The following NSMCE2 variants were observed in gnomAD, a reference collection of about 807,000 sequenced individuals.
NSMCE2 encodes NSE2 SUMO ligase component of SMC5/6 complex, also known as E3 SUMO-protein ligase NSE2.
Under a neutral mutation model 23.8 loss-of-function variants are expected in NSMCE2, and 24 were observed. The observed-to-expected ratio is 1.01, with a 90% CI of 0.73 to 1.42. The LOEUF (loss-of-function observed/expected upper bound fraction) is 1.42. Among genes scored for constraint, NSMCE2 ranks in the 40% most tolerant of loss-of-function variants. NSMCE2 has a pLI of 0.00. For missense variants in NSMCE2, 284 were observed against 296.5 expected, an observed-to-expected ratio of 0.96 and a Z score of 0.31; for synonymous variants, 92 against 94.1, an observed-to-expected ratio of 0.98 and a Z score of 0.13.
intron 3 of NSMCE2, among the ~76,000 whole-genome samples, chr8:125,107,355 G>C (rs536000656): frequency 6.6e-6 from 1 of 151,876 alleles, no homozygotes; most frequent in African/African-American, 2.4e-5. Context: ...CACCATGCCC[G>C]GCTAATTTTT....
At chr8:125,214,467 G>C (rs1243272568) in intron 5 of NSMCE2, among the ~76,000 whole-genome samples, 1 of 152,158 alleles carries the variant, frequency 6.6e-6, no homozygotes, top group Non-Finnish European at 1.5e-5. Flanking sequence ...TCTCAACAAG[G>C]AAATGGGTCA....
chr8:125,093,105 A>G (rs1817753197), intron 1 of NSMCE2, among the ~76,000 whole-genome samples: 2 of 152,194 alleles, frequency 1.3e-5, no homozygotes, highest in South Asian at 4.1e-4. Context: ...GAAATGCCAT[A>G]AACTAGGTAG....
At chr8:125,137,118 A>G (rs1367115754) in intron 3 of NSMCE2, among the ~76,000 whole-genome samples, 1 of 152,144 alleles carries the variant, frequency 6.6e-6, no homozygotes, top group African/African-American at 2.4e-5. Flanking sequence ...AATCATAGAA[A>G]TTATTCTCCG....
intron 5 of NSMCE2, among the ~76,000 whole-genome samples, chr8:125,220,159 C>A (rs1824787793): frequency 1.3e-5 from 2 of 152,080 alleles, no homozygotes; most frequent in African/African-American, 4.8e-5. Context: ...TGTGGGAAAA[C>A]CTATGAAGGA....
chr8:125,217,196 G>T (rs1229478566), intron 5 of NSMCE2, among the ~76,000 whole-genome samples: 1 of 152,130 alleles, frequency 6.6e-6, no homozygotes, highest in Non-Finnish European at 1.5e-5. Flanking sequence ...TGTTTTGAAA[G>T]ATCCTGTCTA....
chr8:125,117,254 C>T (rs1429837267), intron 3 of NSMCE2, among the ~76,000 whole-genome samples: 1 of 151,888 alleles, frequency 6.6e-6, no homozygotes, highest in Non-Finnish European at 1.5e-5. Context: ...CAGAGTCTTG[C>T]TCTGTCACCC....
intron 5 of NSMCE2, among the ~76,000 whole-genome samples, chr8:125,312,095 AAAG>A (rs1828996051): frequency 6.8e-6 from 1 of 147,966 alleles, no homozygotes; most frequent in African/African-American, 2.5e-5. Flanking sequence ...AAAAAAAAAG[AAAG>A]AAAAGAAAAG....
intron 4 of NSMCE2, among the ~76,000 whole-genome samples, chr8:125,151,520 A>G (rs886305074): frequency 6.6e-6 from 1 of 152,184 alleles, no homozygotes; most frequent in Non-Finnish European, 1.5e-5. Context: ...TTTTGTCTCA[A>G]AATTTTAGTG....
chr8:125,151,341 A>G, intron 4 of NSMCE2, 64 bp downstream of exon 4: 1 of 771,974 alleles, frequency 1.3e-6, no homozygotes, highest in Non-Finnish European at 2.2e-6. Flanking sequence ...AAGTAGAAAC[A>G]CAAAATCAAA....
chr8:125,118,969 T>C (rs747521895), intron 3 of NSMCE2, among the ~76,000 whole-genome samples: 1 of 152,374 alleles, frequency 6.6e-6, no homozygotes, highest in East Asian at 1.9e-4. Flanking sequence ...AAAAGACTTA[T>C]ACATATTGTG....
chr8:125,279,763 T>C (rs1482631401), intron 5 of NSMCE2, among the ~76,000 whole-genome samples: 1 of 152,220 alleles, frequency 6.6e-6, no homozygotes, highest in East Asian at 1.9e-4. Context: ...CATACTTGCC[T>C]ATCTCCTTAG....
intron 5 of NSMCE2, among the ~76,000 whole-genome samples, chr8:125,338,438 C>G (rs1452948607): frequency 6.6e-6 from 1 of 152,156 alleles, no homozygotes; most frequent in Non-Finnish European, 1.5e-5. Context: ...AAGCTTTGTT[C>G]CTTTTGCACC....
chr8:125,232,194 G>C lies in NSMCE2; in HGVS notation c.418+49938G>C, dbSNP rs1586646732. On this transcript the variant is annotated intron_variant, in intron 5 of 7. Transcript: ENST00000287437. ...TGACCAACATGGAGAAATCCCGTCT[G>C]TACTAAAAATACAAAAAAATCAGCC... Among the ~76,000 whole-genome samples, 4 of 151,990 alleles carry C rather than the reference G, an allele frequency of 2.6e-5. No homozygotes were observed. In the South Asian group the frequency reaches 8.3e-4, roughly 32 times the overall value.
At chr8:125,249,489 C>T (rs1826121047) in intron 5 of NSMCE2, among the ~76,000 whole-genome samples, 1 of 152,174 alleles carries the variant, frequency 6.6e-6, no homozygotes, top group Non-Finnish European at 1.5e-5. Context: ...AAATAACTTC[C>T]AGAAAATCAC....
At chr8:125,133,101 TA>T (rs554455065) in intron 3 of NSMCE2, among the ~76,000 whole-genome samples, 11 of 152,300 alleles carry the variant, frequency 7.2e-5, no homozygotes, top group African/African-American at 2.4e-4. Context: ...ATGAAATGAT[TA>T]AAAAATTTAT....
intron 5 of NSMCE2, among the ~76,000 whole-genome samples, chr8:125,340,491 A>G (rs1387542287): frequency 6.6e-6 from 1 of 152,124 alleles, no homozygotes; most frequent in Non-Finnish European, 1.5e-5. Context: ...ATCTGTTGTA[A>G]ATTGAACATA....
intron 7 of NSMCE2, among the ~76,000 whole-genome samples, chr8:125,358,693 A>G (rs1813392305): frequency 6.6e-6 from 1 of 152,082 alleles, no homozygotes. Context: ...ACTAGTTCTC[A>G]ATTGACTTCT....
Position 125,359,213 on chromosome 8 carries a change from G to A in NSMCE2, c.626+1395G>A, listed in dbSNP as rs559178714. Among the ~76,000 whole-genome samples, 3 of 148,020 alleles carry A rather than the reference G, an allele frequency of 2.0e-5. No individual in the cohort carries two copies. In the South Asian group the frequency reaches 6.5e-4, roughly 32 times the overall value. ...ACCCGGGAGGCGGAGCTTGCAGTGA[G>A]CCGAGATCATGCCACTGCACCCAGC... is the stretch of plus-strand genomic sequence containing the variant. On this transcript the variant is annotated intron_variant, in intron 7 of 7. Transcript: ENST00000287437.
At chr8:125,197,270 C>A (rs1451821851) in intron 5 of NSMCE2, among the ~76,000 whole-genome samples, 1 of 152,158 alleles carries the variant, frequency 6.6e-6, no homozygotes, top group Non-Finnish European at 1.5e-5. Flanking sequence ...GAAGTCCTTG[C>A]CCATGCCTAT....
Sources: gnomAD v4.1 joint callset for allele counts (sites outside exome capture counted in the v4.1 genomes callset) on GRCh38, gnomAD v4.1.1 for gene constraint, MANE v1.5 for transcripts, NCBI Gene and HGNC (gene_info 2026-07-23, HGNC 2026-07-21) for gene names.